The following RSF1 variants were observed in gnomAD, a reference collection of about 807,000 sequenced individuals.
RSF1 encodes HBV pX-associated protein 8.
In RSF1, 13 loss-of-function variants were observed where a neutral mutation model predicts 145.2. That is an observed-to-expected ratio of 0.09 (90% CI 0.06 to 0.14). RSF1 has a LOEUF of 0.14. RSF1 is among the 10% of genes least tolerant of loss of function. The pLI is 1.00. For synonymous variants in RSF1, 577 were observed against 592.6 expected, an observed-to-expected ratio of 0.97 and a Z score of 0.38; for missense variants, 1,517 against 1,718.2, an observed-to-expected ratio of 0.88 and a Z score of 2.07.
intron 1 of RSF1, among the ~76,000 whole-genome samples, chr11:77,796,499 T>C (rs567295109): frequency 6.6e-6 from 1 of 152,276 alleles, no homozygotes; most frequent in South Asian, 2.1e-4. Context: ...TAGATATCGA[T>C]GGAAACATAT....
chr11:77,726,878 C>A (rs975698808), intron 4 of RSF1, among the ~76,000 whole-genome samples: 1 of 152,164 alleles, frequency 6.6e-6, no homozygotes. Context: ...AGCCCCTGGA[C>A]AAGTTGTATA....
chr11:77,697,491 TATATAA>T (rs1229064325), intron 7 of RSF1, among the ~76,000 whole-genome samples: 7 of 115,046 alleles, frequency 6.1e-5, no homozygotes, highest in South Asian at 2.4e-4. Flanking sequence ...ATATATAATA[TATATAA>T]ATATATTATA....
intron 2 of RSF1, chr11:77,764,226 A>G (rs562230919): frequency 5.7e-6 from 1 of 174,852 alleles, no homozygotes; most frequent in Non-Finnish European, 1.2e-5. Flanking sequence ...GTCTAGGGGA[A>G]CCACTAAATA....
At chr11:77,697,370 G>C (rs1331894097) in intron 7 of RSF1, among the ~76,000 whole-genome samples, 1 of 150,238 alleles carries the variant, frequency 6.7e-6, no homozygotes, top group East Asian at 1.9e-4. Flanking sequence ...CAAAAGAACA[G>C]CACAGGTGCA....
At chr11:77,724,068 C>A (rs542362769) in intron 5 of RSF1, among the ~76,000 whole-genome samples, 2 of 151,998 alleles carry the variant, frequency 1.3e-5, no homozygotes, top group East Asian at 3.9e-4. Context: ...AAAAAATAAA[C>A]AACCCAAAGA....
chr11:77,747,187 C>T (rs1172461633), intron 2 of RSF1, 59 bp from the exon 3 acceptor site: 1 of 1,037,232 alleles, frequency 9.6e-7, no homozygotes, highest in East Asian at 2.4e-5. Context: ...TGTTTGCAGG[C>T]TTGTACAACT....
intron 1 of RSF1, among the ~76,000 whole-genome samples, chr11:77,776,079 C>T (rs1948338942): frequency 6.6e-6 from 1 of 152,144 alleles, no homozygotes; most frequent in Non-Finnish European, 1.5e-5. Flanking sequence ...GGCATGGTAG[C>T]ATGTGCTTGT....
At chr11:77,863,076 G>A in the RSF1 span, among the ~76,000 whole-genome samples, 1 of 152,262 alleles carries the variant, frequency 6.6e-6, no homozygotes, top group South Asian at 2.1e-4. Context: ...GACCAAGGGT[G>A]CTTGGCCTCA....
At chr11:77,690,748 G>A (rs1218813302) in intron 9 of RSF1, among the ~76,000 whole-genome samples, 3 of 152,156 alleles carry the variant, frequency 2.0e-5, no homozygotes, top group Non-Finnish European at 4.4e-5. Flanking sequence ...ATAGAAAGTT[G>A]GCAAACATTT....
At chr11:77,787,627 T>C (rs541642058) in intron 1 of RSF1, among the ~76,000 whole-genome samples, 1 of 152,122 alleles carries the variant, frequency 6.6e-6, no homozygotes, top group African/African-American at 2.4e-5. Flanking sequence ...AAAACTAGAC[T>C]AAACGCATAT....
At chr11:77,735,978 C>A (rs555901705) in intron 4 of RSF1, among the ~76,000 whole-genome samples, 120 of 152,318 alleles carry the variant, frequency 7.9e-4, no homozygotes, top group African/African-American at 2.7e-3. Flanking sequence ...ACCTCATGAT[C>A]CGCCCGCCTT....
intron 5 of RSF1, among the ~76,000 whole-genome samples, chr11:77,714,627 A>G (rs911317180): frequency 1.3e-5 from 2 of 152,174 alleles, no homozygotes; most frequent in Admixed American, 6.5e-5. Flanking sequence ...AGATCACTTG[A>G]GCGCAGGAGT....
At chr11:77,735,399 T>C (rs1442584609) in intron 4 of RSF1, among the ~76,000 whole-genome samples, 1 of 152,244 alleles carries the variant, frequency 6.6e-6, no homozygotes, top group East Asian at 1.9e-4. Flanking sequence ...CCATTTGATG[T>C]TTAATTTGCA....
In RSF1 at chr11:77,661,447, G is replaced by T. The variant is rs1959231976; in HGVS notation, c.*5470C>A. On this transcript the variant is annotated 3_prime_UTR_variant, in exon 16 of 16. Coordinates refer to ENST00000308488, the MANE Select transcript of RSF1 (RefSeq NM_016578.4). ...ACTAATATAAGCTAGATGTGTGTGT[G>T]TGTGTGTGTGTGTGTGCAATTTTCA... is the stretch of plus-strand genomic sequence containing the variant. 6.6e-6 allele frequency: 1 copy of T among 152,020 alleles called. No individual in the cohort carries two copies. Among genetic ancestry groups the T allele is most frequent in the South Asian group, 2.1e-4 (1 of 4,832 alleles). 9.4% of individuals were successfully genotyped at this position (152,020 alleles called of 1,614,324 possible).
At chr11:77,671,711 T>C (rs929921571) in intron 15 of RSF1, among the ~76,000 whole-genome samples, 2 of 151,454 alleles carry the variant, frequency 1.3e-5, no homozygotes, top group African/African-American at 4.9e-5. Context: ...CTTGGCTCAC[T>C]GCAATCTCCG....
chr11:77,821,148 GGGGAGCGCAGATCCCGAAGCAGCGCT>G (rs1322831093), upstream of RSF1: 37 of 398,340 alleles, frequency 9.3e-5, no homozygotes, highest in East Asian at 1.2e-3. Context: ...GAGGGCAGTT[GGGGAGCGCAGATCCCGAAGCAGCGCT>G]GGGAGCGTAA....
rs776014771 is a variant in RSF1, at chr11:77,666,967, A to G, written c.4276T>C (p.Leu1426=). Residue 1426 remains leucine, a synonymous_variant, in exon 16 of 16, where the codon TTG becomes CTG. Transcript: ENST00000308488. ...TAATCAACAAGGTCAGTCACTCTCAAAAGCTCATCTTCCTCCTCTTCTGGT... is the reference window on the plus strand; with the variant it reads ...TAATCAACAAGGTCAGTCACTCTCAGAAGCTCATCTTCCTCCTCTTCTGGT... The part of the protein sequence containing the change: ...GAPEEEEDEL[L]RVTDLVDYVC... 1.0e-5 allele frequency: 16 copies of G among 1,604,970 alleles called. No individual in the cohort carries two copies. Among genetic ancestry groups the G allele is most frequent in the African/African-American group, 2.7e-5 (2 of 74,738 alleles).
At chr11:77,806,346 A>G (rs946669747) in intron 1 of RSF1, among the ~76,000 whole-genome samples, 1 of 152,214 alleles carries the variant, frequency 6.6e-6, no homozygotes, top group African/African-American at 2.4e-5. Context: ...AAAAAGTAAT[A>G]AGCTTAGAAG....
intron 1 of RSF1, among the ~76,000 whole-genome samples, chr11:77,816,694 G>A (rs1005789404): frequency 1.3e-5 from 2 of 152,166 alleles, no homozygotes; most frequent in African/African-American, 4.8e-5. Flanking sequence ...CTGCAGGAGA[G>A]GAAAGATACT....
Sources: gnomAD v4.1 joint callset for allele counts (sites outside exome capture counted in the v4.1 genomes callset) on GRCh38, gnomAD v4.1.1 for gene constraint, MANE v1.5 for transcripts, NCBI Gene and HGNC (gene_info 2026-07-23, HGNC 2026-07-21) for gene names.